Variants in SV2C observed in about 807,000 individuals in gnomAD.
SV2C encodes the protein synaptic vesicle glycoprotein 2C.
A neutral mutation model predicts 79.7 loss-of-function variants in SV2C; 49 were observed. That is an observed-to-expected ratio of 0.61 (90% CI 0.49 to 0.78). The LOEUF is 0.78. Among genes scored for constraint, SV2C ranks in the 30% least tolerant of loss-of-function variants. SV2C has a pLI of 0.00. For missense variants in SV2C, 833 were observed against 912.9 expected (o/e 0.91, Z 1.13); for synonymous variants, 334 against 333.2 (o/e 1.00, Z -0.03).
chr5:75,979,417 C>A, the SV2C span, among the ~76,000 whole-genome samples: 1 of 151,742 alleles, frequency 6.6e-6, no homozygotes. Context: ...CAAAACAACA[C>A]AATATACATT....
intron 3 of SV2C, among the ~76,000 whole-genome samples, chr5:76,209,216 T>G (rs1208838917): frequency 2.6e-5 from 4 of 152,232 alleles, no homozygotes; most frequent in African/African-American, 9.6e-5. Context: ...AACTAATGTT[T>G]GTCAACACAT....
At position 76,174,240 on chromosome 5, in the gene SV2C, T is replaced by C. The variant is rs146532066; in HGVS notation, c.581-20679T>C. ...GAACCTCTCACGCTGTCACCGGGTC[T>C]CTGCAGCCAGCGTCGCCCCGTGCTC... is the stretch of plus-strand genomic sequence containing the variant. On this transcript the variant is annotated intron_variant, in intron 2 of 12. Transcript: ENST00000502798. 1.2e-3 allele frequency: 1,803 copies of C among 1,567,644 alleles called. 14 individuals carry two copies. In the African/African-American group the frequency reaches 0.018, roughly 16 times the overall value.
At chr5:76,285,506 TAAAC>T in intron 5 of SV2C, 1 of 686,524 alleles carries the variant, frequency 1.5e-6, no homozygotes, top group Non-Finnish European at 2.4e-6. Flanking sequence ...TGTTTCTCCT[TAAAC>T]AAATAACTTG....
the SV2C span, among the ~76,000 whole-genome samples, chr5:75,902,994 T>C: frequency 6.7e-3 from 1,020 of 152,346 alleles, 3 homozygotes; most frequent in African/African-American, 1.0e-2. Context: ...TTAGAGCTAA[T>C]CTTCATAAAA....
intron 2 of SV2C, among the ~76,000 whole-genome samples, chr5:76,133,666 C>G (rs1021908934): frequency 6.6e-6 from 1 of 152,170 alleles, no homozygotes; most frequent in African/African-American, 2.4e-5. Flanking sequence ...TGCTGGTACA[C>G]TCATTTGTGT....
the SV2C span, among the ~76,000 whole-genome samples, chr5:75,898,553 C>G: frequency 2.1e-3 from 313 of 152,106 alleles, no homozygotes; most frequent in Admixed American, 4.2e-3. Context: ...TCTCTGCCCG[C>G]CTTTGGTATC....
intron 8 of SV2C, among the ~76,000 whole-genome samples, chr5:76,293,608 A>G (rs940178548): frequency 1.3e-5 from 2 of 152,180 alleles, no homozygotes; most frequent in African/African-American, 2.4e-5. Flanking sequence ...GAACAATGCC[A>G]TAAATGTTGT....
chr5:76,098,107 T>G (rs560580945), intron 1 of SV2C, among the ~76,000 whole-genome samples: 2 of 152,270 alleles, frequency 1.3e-5, no homozygotes, highest in African/African-American at 4.8e-5. Flanking sequence ...AGATGGCTGC[T>G]TCAACAACTG....
the SV2C span, among the ~76,000 whole-genome samples, chr5:75,881,747 G>A: frequency 1.1e-4 from 16 of 151,770 alleles, no homozygotes; most frequent in East Asian, 1.4e-3. Context: ...CTGCAAACAC[G>A]GACAATTTGA....
the SV2C span, among the ~76,000 whole-genome samples, chr5:76,003,206 C>G: frequency 1.3e-5 from 2 of 152,134 alleles, no homozygotes; most frequent in Admixed American, 1.3e-4. Flanking sequence ...AATTGTGAGT[C>G]AATGAAACCT....
intron 1 of SV2C, among the ~76,000 whole-genome samples, chr5:76,103,548 G>A (rs1747808452): frequency 6.6e-6 from 1 of 152,212 alleles, no homozygotes; most frequent in African/African-American, 2.4e-5. Context: ...GGGTTTGCAT[G>A]TCAGCCTATG....
chr5:76,173,937 A>C (rs1347857425), intron 2 of SV2C: 1 of 1,577,838 alleles, frequency 6.3e-7, no homozygotes, highest in Non-Finnish European at 8.7e-7. Context: ...GCTGTGATGG[A>C]ATAAACTAAT....
chr5:75,914,090 A>G, the SV2C span, among the ~76,000 whole-genome samples: 1 of 152,184 alleles, frequency 6.6e-6, no homozygotes, highest in Admixed American at 6.5e-5. Flanking sequence ...ATGGCTCTGC[A>G]TCATTTTCAT....
At chr5:76,282,512 C>T (rs1320086706) in intron 4 of SV2C, among the ~76,000 whole-genome samples, 1 of 152,228 alleles carries the variant, frequency 6.6e-6, no homozygotes, top group Non-Finnish European at 1.5e-5. Flanking sequence ...ACAAAAAAGT[C>T]AACCTGTTTT....
chr5:76,062,986 A>G, the SV2C span, among the ~76,000 whole-genome samples: 2 of 152,248 alleles, frequency 1.3e-5, no homozygotes, highest in Non-Finnish European at 2.9e-5. Context: ...TTTATCCGCC[A>G]TGTTGCCCTT....
chr5:75,908,753 C>T, the SV2C span, among the ~76,000 whole-genome samples: 1 of 152,202 alleles, frequency 6.6e-6, no homozygotes, highest in Non-Finnish European at 1.5e-5. Context: ...GTTGTCCTTT[C>T]CTCTGACACT....
At chr5:76,154,612 C>A (rs974810710) in intron 2 of SV2C, among the ~76,000 whole-genome samples, 4 of 152,106 alleles carry the variant, frequency 2.6e-5, no homozygotes, top group African/African-American at 9.7e-5. Flanking sequence ...CACCTGGAAC[C>A]CTTAAGAGTA....
intron 10 of SV2C, among the ~76,000 whole-genome samples, chr5:76,299,710 A>G (rs551158135): frequency 2.0e-5 from 3 of 152,336 alleles, no homozygotes; most frequent in African/African-American, 7.2e-5. Flanking sequence ...CCAAAGAAGA[A>G]TGAGGTCAGG....
chr5:75,935,689 A>G, the SV2C span, among the ~76,000 whole-genome samples: 385 of 152,302 alleles, frequency 2.5e-3, 5 homozygotes, highest in East Asian at 0.02. Context: ...TAAATATAGT[A>G]TTATACTGTT....
Sources: gnomAD v4.1 joint callset for allele counts (sites outside exome capture counted in the v4.1 genomes callset) on GRCh38, gnomAD v4.1.1 for gene constraint, MANE v1.5 for transcripts, NCBI Gene and HGNC (gene_info 2026-07-23, HGNC 2026-07-21) for gene names.